Variants in SRPX observed in about 807,000 individuals in gnomAD.
SRPX encodes sushi repeat containing protein X-linked.
SRPX carries 24 observed loss-of-function variants against 38.1 expected under a neutral mutation model. That is an observed-to-expected ratio of 0.63 (90% confidence interval 0.46 to 0.89). SRPX has a LOEUF of 0.89. Among genes scored for constraint, SRPX ranks in the 40% least tolerant of loss-of-function variants. The pLI is 0.00. For synonymous variants in SRPX, 184 were observed against 153.8 expected (o/e 1.20, Z -1.45); for missense variants, 416 against 377.8 (o/e 1.10, Z -0.84).
rs768834986 is a variant in SRPX, at chrX:38,220,684, C to T, written c.97+12G>A. 8 of 1,185,762 alleles carry T rather than the reference C, an allele frequency of 6.7e-6. No individual in the cohort carries two copies. In the East Asian group the frequency reaches 2.2e-4, roughly 32 times the overall value. ...TGCCCAGCTGAGGAGGCAGCCACGC[C>T]TCCGATCCTACCTGGGAAGCTGCGG... On this transcript the variant is annotated intron_variant, in intron 1 of 9. Transcript: ENST00000378533.
chrX:38,151,438 C>G (rs1938012142), intron 9 of SRPX, among the ~76,000 whole-genome samples: 1 of 111,575 alleles, frequency 9.0e-6, no homozygotes, highest in Non-Finnish European at 1.9e-5. Context: ...GTGGCTGAAG[C>G]CTGTGGGAAA....
intron 1 of SRPX, among the ~76,000 whole-genome samples, chrX:38,220,085 G>C (rs1478707050): frequency 8.8e-6 from 1 of 113,299 alleles, no homozygotes; most frequent in African/African-American, 3.2e-5. Flanking sequence ...TTTCCCTGGG[G>C]CTAATCAAGT....
chrX:38,200,593 G>A (rs772991985), intron 1 of SRPX, among the ~76,000 whole-genome samples: 3 of 111,602 alleles, frequency 2.7e-5, no homozygotes, highest in African/African-American at 6.5e-5. Flanking sequence ...GCCTTAATGC[G>A]GCATCATCTC....
At chrX:38,158,809 T>C (rs1938183269) in intron 7 of SRPX, among the ~76,000 whole-genome samples, 2 of 110,602 alleles carry the variant, frequency 1.8e-5, no homozygotes, top group African/African-American at 6.6e-5. Flanking sequence ...TGAAACCCCG[T>C]CTTTACTAAA....
At chrX:38,172,171 A>C in intron 3 of SRPX, 114 bp from the exon 4 acceptor site, 1 of 845,669 alleles carries the variant, frequency 1.2e-6, no homozygotes, top group Non-Finnish European at 1.7e-6. Flanking sequence ...AAATATAAGA[A>C]GGCCAGGCGC....
rs768887965 is a variant in SRPX, at chrX:38,161,061, G to GA, written c.654-8dup. ...GAGGCCTTTTAGAATGACACTTAGA[G>GA]AAAAAAAATCAGAAACAGGAAAGAT... is the stretch of plus-strand genomic sequence containing the variant. On this transcript the variant is annotated splice_region_variant and splice_polypyrimidine_tract_variant and intron_variant, in intron 5 of 9. Transcript: ENST00000378533. 10 of 1,202,156 alleles carry GA rather than the reference G, an allele frequency of 8.3e-6. No individual in the cohort carries two copies. In the Admixed American group the frequency reaches 8.9e-5, roughly 11 times the overall value.
chrX:38,153,669 C>T (rs1224743502), intron 9 of SRPX, among the ~76,000 whole-genome samples: 1 of 111,241 alleles, frequency 9.0e-6, no homozygotes, highest in Admixed American at 9.6e-5. Context: ...GCACCTCCAA[C>T]GTGAAGCATA....
chrX:38,158,934 C>T (rs942333355), intron 7 of SRPX, among the ~76,000 whole-genome samples: 6 of 110,780 alleles, frequency 5.4e-5, no homozygotes, highest in Middle Eastern at 4.6e-3. Flanking sequence ...GAACCGAGAT[C>T]GCGCCACTGC....
At chrX:38,155,093 G>A (rs17147133) in intron 8 of SRPX, among the ~76,000 whole-genome samples, 1,868 of 109,262 alleles carry the variant, frequency 0.017, 41 homozygotes, top group African/African-American at 0.059. Context: ...AGTCAACCAC[G>A]AGGAGGGCTC....
chrX:38,209,593 G>C (rs1426413274), intron 1 of SRPX, among the ~76,000 whole-genome samples: 1 of 111,707 alleles, frequency 9.0e-6, no homozygotes, highest in East Asian at 2.8e-4. Flanking sequence ...TGGAGAAAAG[G>C]GTCACTCACT....
Position 38,217,973 on chromosome X carries a change from T to C in SRPX, c.97+2723A>G, listed in dbSNP as rs922617722. Among the ~76,000 whole-genome samples, 11 of 112,506 alleles carry C rather than the reference T, an allele frequency of 9.8e-5. No individual in the cohort carries two copies. In the East Asian group the frequency reaches 3.1e-3, roughly 31 times the overall value. ...TTCATTGCAGAGTACTTTTGTCAGC[T>C]GATTACATGTTTTAAATCTAAATAG... On this transcript the variant is annotated intron_variant, in intron 1 of 9. Transcript: ENST00000378533.
At chrX:38,206,401 T>G (rs1477144393) in intron 1 of SRPX, among the ~76,000 whole-genome samples, 1 of 112,383 alleles carries the variant, frequency 8.9e-6, no homozygotes, top group African/African-American at 3.2e-5. Flanking sequence ...TAGTTGTCAC[T>G]TATTTAAACC....
intron 1 of SRPX, among the ~76,000 whole-genome samples, chrX:38,205,295 G>T (rs1420495322): frequency 8.9e-6 from 1 of 112,310 alleles, no homozygotes; most frequent in Non-Finnish European, 1.9e-5. Flanking sequence ...GAAAGCAGAA[G>T]TTGCCTGAGT....
At chrX:38,219,089 G>T (rs1342930209) in intron 1 of SRPX, among the ~76,000 whole-genome samples, 1 of 111,292 alleles carries the variant, frequency 9.0e-6, no homozygotes, top group Non-Finnish European at 1.9e-5. Context: ...ACAGGTGGTA[G>T]TGAATGCCCA....
chrX:38,210,708 T>C (rs1474980242), intron 1 of SRPX, among the ~76,000 whole-genome samples: 1 of 112,488 alleles, frequency 8.9e-6, no homozygotes, highest in Non-Finnish European at 1.9e-5. Flanking sequence ...ATCAGGAGGC[T>C]ACCAAGCCTC....
chrX:38,211,573 G>A (rs917796191), intron 1 of SRPX, among the ~76,000 whole-genome samples: 6 of 110,995 alleles, frequency 5.4e-5, no homozygotes, highest in East Asian at 2.8e-4. Flanking sequence ...GGTGGTACGC[G>A]CCTGTAATCC....
intron 1 of SRPX, among the ~76,000 whole-genome samples, chrX:38,197,361 C>T (rs1279183357): frequency 8.9e-6 from 1 of 112,148 alleles, no homozygotes; most frequent in Non-Finnish European, 1.9e-5. Flanking sequence ...GAGGCTAAAC[C>T]AAAGAAGTCT....
At chrX:38,184,746 T>A (rs185445344) in intron 1 of SRPX, among the ~76,000 whole-genome samples, 123 of 112,326 alleles carry the variant, frequency 1.1e-3, no homozygotes, top group African/African-American at 3.6e-3. Context: ...GTCCTTCTTT[T>A]TGATATTTAA....
At chrX:38,218,187 A>T (rs1939449858) in intron 1 of SRPX, among the ~76,000 whole-genome samples, 1 of 112,264 alleles carries the variant, frequency 8.9e-6, no homozygotes, top group Non-Finnish European at 1.9e-5. Flanking sequence ...AGTTTTCTCC[A>T]GATGTAAGAT....
Sources: gnomAD v4.1 joint callset for allele counts (sites outside exome capture counted in the v4.1 genomes callset) on GRCh38, gnomAD v4.1.1 for gene constraint, MANE v1.5 for transcripts, NCBI Gene and HGNC (gene_info 2026-07-23, HGNC 2026-07-21) for gene names.